PSTPIP2: variants seen among roughly 807,000 people sequenced by gnomAD.
PSTPIP2 encodes the protein proline-serine-threonine phosphatase-interacting protein 2.
Under a neutral mutation model 63.3 loss-of-function variants are expected in PSTPIP2, and 33 were observed. The observed-to-expected ratio is 0.52, with a 90% CI of 0.40 to 0.70. The LOEUF is 0.70. PSTPIP2 is among the 30% of genes least tolerant of loss of function. The probability of loss-of-function intolerance (pLI) is 0.00; values close to 1 mark genes in which losing one functional copy is unlikely to be tolerated. For missense variants in PSTPIP2, 312 were observed against 400.7 expected (o/e 0.78, Z 1.89); for synonymous variants, 125 against 132.7 (o/e 0.94, Z 0.40).
intron 4 of PSTPIP2, among the ~76,000 whole-genome samples, chr18:46,014,055 C>T (rs1169099976): frequency 6.6e-6 from 1 of 151,462 alleles, no homozygotes; most frequent in African/African-American, 2.4e-5. Flanking sequence ...AACAGTCTTA[C>T]TCTGTCGCCC....
intron 1 of PSTPIP2, among the ~76,000 whole-genome samples, chr18:46,070,114 C>T (rs1909339480): frequency 6.6e-6 from 1 of 152,126 alleles, no homozygotes; most frequent in South Asian, 2.1e-4. Flanking sequence ...CCAGGGTCAC[C>T]TAGCTAGTAA....
chr18:46,021,845 T>C (rs1185655442), intron 3 of PSTPIP2, among the ~76,000 whole-genome samples: 3 of 81,890 alleles, frequency 3.7e-5, no homozygotes, highest in African/African-American at 6.8e-5. Flanking sequence ...CGAGACTCTG[T>C]CTCAAAAAAA....
chr18:45,993,726 A>C (rs1302723251), intron 9 of PSTPIP2, 23 bp from the exon 10 acceptor site: 2 of 1,592,552 alleles, frequency 1.3e-6, no homozygotes, highest in Admixed American at 1.7e-5. Flanking sequence ...AGCTACGTGT[A>C]CATAGATATG....
intron 14 of PSTPIP2, 32 bp downstream of exon 14, chr18:45,988,670 G>A: frequency 6.6e-7 from 1 of 1,504,650 alleles, no homozygotes; most frequent in South Asian, 1.1e-5. Context: ...GTCTACACAT[G>A]ACTCAATTAT....
At chr18:46,006,719 C>T (rs2051732991) in intron 5 of PSTPIP2, among the ~76,000 whole-genome samples, 1 of 152,092 alleles carries the variant, frequency 6.6e-6, no homozygotes, top group Non-Finnish European at 1.5e-5. Context: ...AAATGCCTCG[C>T]TTGGGAGTAA....
At chr18:46,012,297 G>A (rs1026697508) in intron 4 of PSTPIP2, among the ~76,000 whole-genome samples, 3 of 152,066 alleles carry the variant, frequency 2.0e-5, no homozygotes, top group African/African-American at 7.2e-5. Context: ...AACCTTTCTG[G>A]AGGAAATTTG....
intron 1 of PSTPIP2, among the ~76,000 whole-genome samples, chr18:46,068,567 G>T (rs1337709673): frequency 6.6e-6 from 1 of 151,670 alleles, no homozygotes; most frequent in African/African-American, 2.4e-5. Flanking sequence ...CAAAGTGCTG[G>T]GATTACAGGT....
At position 45,998,912 on chromosome 18, in the gene PSTPIP2, C is replaced by T. The variant is rs562454410; in HGVS notation, c.517-73G>A. 157 of 1,539,884 alleles carry T rather than the reference C, an allele frequency of 1.0e-4. No homozygotes were observed. In the East Asian group the frequency reaches 2.0e-3, roughly 19 times the overall value. ...CTGGACGAGGCTTCCACAGGCAAAA[C>T]AGATTGAAAAGCAGTAACTATGAAG... is the stretch of plus-strand genomic sequence containing the variant. On this transcript the variant is annotated intron_variant, in intron 7 of 14. Transcript: ENST00000409746.
chr18:46,022,761 T>C (rs1274968092), intron 3 of PSTPIP2, among the ~76,000 whole-genome samples: 2 of 152,156 alleles, frequency 1.3e-5, no homozygotes, highest in East Asian at 1.9e-4. Context: ...TTCTGTATCC[T>C]CAATATATTA....
In PSTPIP2 at chr18:46,035,758, A is replaced by G. The variant is rs1226586743; in HGVS notation, c.134+4189T>C. On this transcript the variant is annotated intron_variant, in intron 2 of 14. Transcript: ENST00000409746. ...GATGAGTCATAAACACAGGGGTTGT[A>G]TGAGACCCCCATCCTCACCAGCCCC... Among the ~76,000 whole-genome samples the G allele has an allele frequency of 2.0e-5, 3 of 152,264 alleles. No individual in the cohort carries two copies. The East Asian group carries it at 5.8e-4, about 29-fold the overall frequency.
intron 4 of PSTPIP2, 106 bp from the exon 5 acceptor site, chr18:46,011,393 G>A: frequency 1.1e-6 from 1 of 899,498 alleles, no homozygotes; most frequent in Non-Finnish European, 1.7e-6. Context: ...GGAGTAAGTG[G>A]TAAAATCAAC....
In PSTPIP2 at chr18:46,039,889, T is replaced by C. The variant is rs957613726; in HGVS notation, c.134+58A>G. 5.0e-6 allele frequency: 7 copies of C among 1,409,752 alleles called. No homozygotes were observed. The African/African-American group carries it at 9.9e-5, about 20-fold the overall frequency. 87.3% of individuals were successfully genotyped at this position (1,409,752 alleles called of 1,614,324 possible). The stretch of plus-strand genomic sequence containing the variant: ...AAATGAAAAAAAGGAAATTGTTCCT[T>C]GTCTGTGTGGAGACATCTTGGCCCA... On this transcript the variant is annotated intron_variant, in intron 2 of 14. Transcript: ENST00000409746.
chr18:45,993,844 T>C, intron 9 of PSTPIP2, 141 bp from the exon 10 acceptor site: 1 of 685,060 alleles, frequency 1.5e-6, no homozygotes, highest in Non-Finnish European at 2.5e-6. Context: ...CCCCCACCAC[T>C]GAGGAAACTC....
At chr18:46,040,372 G>A (rs781191141) in intron 1 of PSTPIP2, 4 of 221,908 alleles carry the variant, frequency 1.8e-5, no homozygotes, top group Non-Finnish European at 3.6e-5. Context: ...TAGAAACAAA[G>A]ATAACATCTT....
rs1044152610 is a variant in PSTPIP2 at position 45,984,919 on chromosome 18, A to C, written c.*540T>G. 1.9e-5 allele frequency: 3 copies of C among 154,552 alleles called. No homozygotes were observed. Among genetic ancestry groups the C allele is most frequent in the African/African-American group, 7.2e-5 (3 of 41,470 alleles). 9.6% of individuals were successfully genotyped at this position (154,552 alleles called of 1,614,324 possible). On this transcript the variant is annotated 3_prime_UTR_variant, in exon 15 of 15. Coordinates refer to ENST00000409746, the MANE Select transcript of PSTPIP2 (RefSeq NM_024430.4). Reference sequence around the variant, plus strand: ...GTCCCTCATCAGCTAGGAAAACTGTAAGGAAATTAATTTCACACTTGTAGG... The same window carrying C: ...GTCCCTCATCAGCTAGGAAAACTGTCAGGAAATTAATTTCACACTTGTAGG...
intron 2 of PSTPIP2, chr18:46,029,122 A>C: frequency 1.2e-6 from 1 of 830,514 alleles, no homozygotes; most frequent in South Asian, 1.3e-5. Context: ...TTTAGTGCTA[A>C]TGGGGAAGAA....
rs895562645 is a variant in PSTPIP2 at position 46,008,527 on chromosome 18, G to A, written c.354+2654C>T. On this transcript the variant is annotated intron_variant, in intron 5 of 14. Coordinates refer to ENST00000409746, the MANE Select transcript of PSTPIP2 (RefSeq NM_024430.4). ...GGGTTTTGCCATGTTGGCCAGGCTG[G>A]TTTCAAACTCCTGACCTCAGGTGAT... is the stretch of plus-strand genomic sequence containing the variant. 4.6e-5 allele frequency among the ~76,000 whole-genome samples: 7 copies of A among 152,116 alleles called. No homozygotes were observed. The East Asian group carries it at 1.4e-3, about 29-fold the overall frequency.
intron 1 of PSTPIP2, among the ~76,000 whole-genome samples, chr18:46,054,935 A>T (rs1400851892): frequency 6.6e-6 from 1 of 152,174 alleles, no homozygotes; most frequent in Non-Finnish European, 1.5e-5. Flanking sequence ...ACTAATTTTT[A>T]AAAATTGTTG....
chr18:45,984,386 C>T lies in PSTPIP2; in HGVS notation c.*1073G>A, dbSNP rs2051447310. 1 of 152,128 alleles carries T rather than the reference C, an allele frequency of 6.6e-6. No homozygotes were observed. The highest frequency in any genetic ancestry group is 2.4e-5 in the African/African-American group (1 of 41,430). The allele number at this position is 152,128 out of a possible 1,614,324, so 9.4% of individuals were successfully genotyped here. ...TGTTTGTGAGTGAAAAAGGAAAACCCAAATATTTGTGAAAGTGTAAGACGG... is the reference window on the plus strand; with the variant it reads ...TGTTTGTGAGTGAAAAAGGAAAACCTAAATATTTGTGAAAGTGTAAGACGG... On this transcript the variant is annotated 3_prime_UTR_variant, in exon 15 of 15. Transcript: ENST00000409746.
Sources: gnomAD v4.1 joint callset for allele counts (sites outside exome capture counted in the v4.1 genomes callset) on GRCh38, gnomAD v4.1.1 for gene constraint, MANE v1.5 for transcripts, NCBI Gene and HGNC (gene_info 2026-07-23, HGNC 2026-07-21) for gene names.